The following BNC2 variants were observed in gnomAD, a reference collection of about 807,000 sequenced individuals.
BNC2 encodes the protein zinc finger protein basonuclin-2.
BNC2 carries 20 observed loss-of-function variants against 76.3 expected under a neutral mutation model. The observed-to-expected ratio is 0.26, with a 90% CI of 0.18 to 0.38. The LOEUF is 0.38. Among genes scored for constraint, BNC2 ranks in the 10% least tolerant of loss-of-function variants. The pLI, the probability that BNC2 is intolerant of heterozygous loss-of-function variation, is 1.00. For missense variants in BNC2, 1,382 were observed against 1,399.8 expected (o/e 0.99, Z 0.20); for synonymous variants, 582 against 514.8 (o/e 1.13, Z -1.77).
intron 5 of BNC2, among the ~76,000 whole-genome samples, chr9:16,477,371 G>C (rs900621447): frequency 2.0e-5 from 3 of 151,402 alleles, no homozygotes; most frequent in Non-Finnish European, 4.4e-5. Flanking sequence ...ATGTGACAAG[G>C]AGATTAAAAA....
At chr9:16,637,405 C>T (rs1821360080) in intron 3 of BNC2, among the ~76,000 whole-genome samples, 1 of 152,188 alleles carries the variant, frequency 6.6e-6, no homozygotes, top group South Asian at 2.1e-4. Flanking sequence ...TTGTGATGTT[C>T]ACCCAACATC....
chr9:16,868,196 C>G (rs1025300891), intron 1 of BNC2: 10 of 152,266 alleles, frequency 6.6e-5, no homozygotes, highest in African/African-American at 2.4e-4. Context: ...AATCAAATGA[C>G]ACTCCTGGAA....
chr9:16,548,146 G>A (rs200666948), intron 5 of BNC2, among the ~76,000 whole-genome samples: 1 of 152,196 alleles, frequency 6.6e-6, no homozygotes, highest in African/African-American at 2.4e-5. Context: ...ACCTGCAAAT[G>A]AGAAGATTTC....
chr9:16,751,690 GTGTATATA>G (rs1825213962), intron 1 of BNC2, among the ~76,000 whole-genome samples: 1 of 86,752 alleles, frequency 1.2e-5, no homozygotes. Context: ...ATATGTATGT[GTGTATATA>G]TATATATATG....
chr9:16,560,196 C>T (rs1378247197), intron 4 of BNC2, among the ~76,000 whole-genome samples: 1 of 152,168 alleles, frequency 6.6e-6, no homozygotes, highest in African/African-American at 2.4e-5. Context: ...GATGCTGATG[C>T]TACTGGCCAG....
At chr9:16,769,524 T>C (rs1825779580) in intron 1 of BNC2, among the ~76,000 whole-genome samples, 2 of 152,118 alleles carry the variant, frequency 1.3e-5, no homozygotes. Context: ...TGCACAGGCA[T>C]GAGAGCCAAC....
intron 5 of BNC2, among the ~76,000 whole-genome samples, chr9:16,502,896 T>C (rs1383305016): frequency 6.6e-6 from 1 of 152,190 alleles, no homozygotes; most frequent in African/African-American, 2.4e-5. Flanking sequence ...GGTGGTTTCA[T>C]GTGGCCTCAT....
intron 3 of BNC2, among the ~76,000 whole-genome samples, chr9:16,679,244 T>C (rs548375160): frequency 6.6e-6 from 1 of 152,124 alleles, no homozygotes; most frequent in African/African-American, 2.4e-5. Context: ...TACCTACCCA[T>C]AAACCACTGG....
chr9:16,817,851 T>G (rs1818221645), intron 1 of BNC2, among the ~76,000 whole-genome samples: 1 of 152,174 alleles, frequency 6.6e-6, no homozygotes, highest in South Asian at 2.1e-4. Context: ...GTCTTGAAAT[T>G]TGATTTACTT....
intron 1 of BNC2, among the ~76,000 whole-genome samples, chr9:16,819,933 T>C (rs1020999338): frequency 6.6e-6 from 1 of 152,016 alleles, no homozygotes; most frequent in Non-Finnish European, 1.5e-5. Context: ...AAGTCCAGCC[T>C]GGCCAACATG....
intron 6 of BNC2, among the ~76,000 whole-genome samples, chr9:16,424,993 C>G (rs530339282): frequency 3.2e-4 from 48 of 152,144 alleles, no homozygotes; most frequent in African/African-American, 1.0e-3. Context: ...AAGATTCTGT[C>G]CAAAAGATCT....
At chr9:16,680,866 T>A (rs1822802826) in intron 3 of BNC2, among the ~76,000 whole-genome samples, 1 of 152,200 alleles carries the variant, frequency 6.6e-6, no homozygotes, top group Non-Finnish European at 1.5e-5. Context: ...TTCTCTTTTT[T>A]AAGCTACTTG....
intron 3 of BNC2, among the ~76,000 whole-genome samples, chr9:16,616,319 G>C (rs1391129585): frequency 6.6e-6 from 1 of 151,734 alleles, no homozygotes; most frequent in African/African-American, 2.4e-5. Context: ...TTGAGCCTCG[G>C]ATGTTGAGAC....
At chr9:16,730,402 C>T (rs1012535236) in intron 2 of BNC2, among the ~76,000 whole-genome samples, 1 of 152,164 alleles carries the variant, frequency 6.6e-6, no homozygotes, top group Non-Finnish European at 1.5e-5. Context: ...AAACAAAGGG[C>T]TAATTTGGAG....
intron 1 of BNC2, among the ~76,000 whole-genome samples, chr9:16,787,408 T>C (rs10810628): frequency 0.48 from 73,319 of 152,132 alleles, 22,344 homozygotes; most frequent in Non-Finnish European, 0.7. Flanking sequence ...TGAAAGAGTA[T>C]GGACTCTGGA....
chr9:16,751,712 G>A (rs1825217494), intron 1 of BNC2, among the ~76,000 whole-genome samples: 1 of 149,694 alleles, frequency 6.7e-6, no homozygotes, highest in African/African-American at 2.4e-5. Context: ...ATATATGTAT[G>A]TATATATAAA....
rs186687509 is a variant in BNC2, at chr9:16,417,442, G to C, written c.*1547C>G. The C allele has an allele frequency of 5.3e-5, 8 of 152,200 alleles. No individual in the cohort carries two copies. Among genetic ancestry groups the C allele is most frequent in the Non-Finnish European group, 1.0e-4 (7 of 68,006 alleles). The allele number at this position is 152,200 out of a possible 1,614,324, so 9.4% of individuals were successfully genotyped here. A position where few individuals can be genotyped will look rare whatever the true frequency, so the allele number is the denominator to read the frequency against. Reference sequence around the variant, plus strand: ...GGAAACACAAAACACTGAACATTGAGAGATCCTGCTTTAAAACCCCCTTCT... The same window carrying C: ...GGAAACACAAAACACTGAACATTGACAGATCCTGCTTTAAAACCCCCTTCT... On this transcript the variant is annotated 3_prime_UTR_variant, in exon 7 of 7. Transcript: ENST00000380672.
intron 5 of BNC2, among the ~76,000 whole-genome samples, chr9:16,516,156 G>C (rs1485797984): frequency 2.6e-5 from 4 of 152,154 alleles, no homozygotes; most frequent in Non-Finnish European, 5.9e-5. Context: ...CAGCCTAACT[G>C]TGCTTCCAGC....
intron 1 of BNC2, among the ~76,000 whole-genome samples, chr9:16,760,254 C>T (rs1825515338): frequency 6.6e-6 from 1 of 152,102 alleles, no homozygotes. Flanking sequence ...AATACCACTG[C>T]TGTTCAGCAA....
Sources: allele counts gnomAD v4.1 joint callset (sites outside exome capture counted in the v4.1 genomes callset), GRCh38; gene constraint gnomAD v4.1.1; transcripts MANE v1.5; gene names NCBI Gene and HGNC (gene_info 2026-07-23, HGNC 2026-07-21).